The following SRCIN1 variants were observed in gnomAD, a reference collection of about 807,000 sequenced individuals.
SRCIN1 encodes the protein SRC kinase signaling inhibitor 1, also known as P130Cas-associated protein.
In SRCIN1, 50 loss-of-function variants were observed where a neutral mutation model predicts 116.2. That is an observed-to-expected ratio of 0.43 (90% confidence interval 0.34 to 0.54). The LOEUF is 0.54. SRCIN1 is among the 20% of genes least tolerant of loss of function. The pLI, the probability that SRCIN1 is intolerant of heterozygous loss-of-function variation, is 0.02. For synonymous variants in SRCIN1, 736 were observed against 750.0 expected, an observed-to-expected ratio of 0.98 and a Z score of 0.30; for missense variants, 1,446 against 1,672.0, an observed-to-expected ratio of 0.86 and a Z score of 2.36.
At chr17:38,557,552 AAGGCAG>A (rs1341240805) in intron 11 of SRCIN1, among the ~76,000 whole-genome samples, 2 of 152,216 alleles carry the variant, frequency 1.3e-5, no homozygotes, top group Non-Finnish European at 2.9e-5. Context: ...TGGACACTGA[AAGGCAG>A]CGTCTCCCTT....
chr17:38,579,617 C>T (rs77776781), intron 1 of SRCIN1, among the ~76,000 whole-genome samples: 2,144 of 152,286 alleles, frequency 0.014, 54 homozygotes, highest in African/African-American at 0.047. Flanking sequence ...TCTCTCCTCC[C>T]GACACACACA....
chr17:38,596,958 C>A (rs1908759651), intron 1 of SRCIN1, among the ~76,000 whole-genome samples: 2 of 152,190 alleles, frequency 1.3e-5, no homozygotes, highest in African/African-American at 4.8e-5. Flanking sequence ...TACCTATTAG[C>A]CTTTTACCCT....
intron 2 of SRCIN1, among the ~76,000 whole-genome samples, chr17:38,573,065 A>T (rs1213850969): frequency 7.9e-5 from 12 of 152,122 alleles, no homozygotes; most frequent in Non-Finnish European, 1.6e-4. Flanking sequence ...GGGAGGTTAG[A>T]CAGCCTGGTG....
Position 38,562,972 on chromosome 17 carries a change from A to T in SRCIN1, c.741-52T>A. 2 of 1,424,854 alleles carry T rather than the reference A, an allele frequency of 1.4e-6. No individual in the cohort carries two copies. Among genetic ancestry groups the T allele is most frequent in the Non-Finnish European group, 2.0e-6 (2 of 1,018,926 alleles). 88.3% of individuals were successfully genotyped at this position (1,424,854 alleles called of 1,614,324 possible). A position where few individuals can be genotyped will look rare whatever the true frequency, so the allele number is the denominator to read the frequency against. On this transcript the variant is annotated intron_variant, in intron 5 of 18. Coordinates refer to ENST00000617146, the MANE Select transcript of SRCIN1 (RefSeq NM_025248.3). The surrounding 1 kb of genome is among the most constrained non-coding windows in gnomAD (Gnocchi z 4.2). ...ACCACCCATCCCCCAGCTGTGCACAATGAGAAGGGATGGCTACTCCAGGCC... is the reference window on the plus strand; with the variant it reads ...ACCACCCATCCCCCAGCTGTGCACATTGAGAAGGGATGGCTACTCCAGGCC...
chr17:38,548,309 T>C (rs1396729014), intron 17 of SRCIN1, among the ~76,000 whole-genome samples: 2 of 152,052 alleles, frequency 1.3e-5, no homozygotes, highest in South Asian at 4.1e-4. Context: ...GGTCTGGGGA[T>C]ACTTGGGGGG....
chr17:38,577,152 C>T (rs1308348524), intron 2 of SRCIN1, among the ~76,000 whole-genome samples: 2 of 152,202 alleles, frequency 1.3e-5, no homozygotes, highest in African/African-American at 4.8e-5. Context: ...TAGATACCTC[C>T]TCCTGCAGGA....
At chr17:38,584,269 G>A (rs576719886) in intron 1 of SRCIN1, among the ~76,000 whole-genome samples, 1 of 152,344 alleles carries the variant, frequency 6.6e-6, no homozygotes, top group African/African-American at 2.4e-5. Context: ...ATGGGGTTGG[G>A]GAAACCAGAG....
chr17:38,535,459 G>A (rs1317438174), intron 18 of SRCIN1, among the ~76,000 whole-genome samples: 4 of 151,998 alleles, frequency 2.6e-5, no homozygotes, highest in Admixed American at 1.3e-4. Context: ...TGCCCACCTC[G>A]GCCTCCCAAA....
intron 2 of SRCIN1, among the ~76,000 whole-genome samples, chr17:38,575,239 G>T (rs1409760694): frequency 6.6e-6 from 1 of 152,130 alleles, no homozygotes; most frequent in Non-Finnish European, 1.5e-5. Context: ...AGACATTTCT[G>T]AAATTCTCAT....
At chr17:38,569,354 CG>C (rs1359661707) in intron 2 of SRCIN1, among the ~76,000 whole-genome samples, 1 of 152,162 alleles carries the variant, frequency 6.6e-6, no homozygotes, top group Non-Finnish European at 1.5e-5. Flanking sequence ...TGGCCTGGCC[CG>C]GGGGTGCCTG....
chr17:38,571,037 C>T (rs773121116), intron 2 of SRCIN1, among the ~76,000 whole-genome samples: 9 of 152,180 alleles, frequency 5.9e-5, no homozygotes, highest in Non-Finnish European at 1.0e-4. Context: ...CCACCAGGAA[C>T]GAGACACAGT....
intron 1 of SRCIN1, among the ~76,000 whole-genome samples, chr17:38,594,063 T>C (rs1223454107): frequency 6.6e-6 from 1 of 152,200 alleles, no homozygotes; most frequent in Non-Finnish European, 1.5e-5. Context: ...GAGAAGAACA[T>C]TCAGGTCTCA....
At chr17:38,555,401 G>C (rs1345231550) in intron 11 of SRCIN1, among the ~76,000 whole-genome samples, 2 of 152,152 alleles carry the variant, frequency 1.3e-5, no homozygotes. Flanking sequence ...GAAGACGGCA[G>C]AACCTCCATC....
chr17:38,561,598 C>T lies in SRCIN1; in HGVS notation c.1565G>A (p.Ser522Asn), dbSNP rs1906247026. 1 of 1,596,614 alleles carries T rather than the reference C, an allele frequency of 6.3e-7. No individual in the cohort carries two copies. Residue 522 changes from serine (S) to asparagine (N), a missense_variant, in exon 7 of 19, where the codon AGT becomes AAT. Physicochemically the swap from Ser to Asn is conservative, Grantham distance 46 (BLOSUM62 1). This residue lies in a region of SRCIN1 where 398 missense variants were observed against 385.6 expected (regional missense o/e 1.03). Coordinates refer to ENST00000617146, the MANE Select transcript of SRCIN1 (RefSeq NM_025248.3). The stretch of plus-strand genomic sequence containing the variant: ...CGCGCTGCGGGTCTTCCCTCCAGGA[C>T]TCTCGGCAAAGACGGACGAGGAGCC... ...DSGSSSVFAE[S>N]PGGKTRSAGS...
At chr17:38,566,647 AC>A (rs1906702917) in intron 3 of SRCIN1, among the ~76,000 whole-genome samples, 1 of 152,136 alleles carries the variant, frequency 6.6e-6, no homozygotes, top group African/African-American at 2.4e-5. Flanking sequence ...CCTTTCCAGG[AC>A]CCCATATTCA....
intron 1 of SRCIN1, among the ~76,000 whole-genome samples, chr17:38,594,823 G>A (rs561260182): frequency 1.3e-5 from 2 of 152,236 alleles, no homozygotes; most frequent in East Asian, 3.9e-4. Context: ...CTGGTCCTGG[G>A]CCCAGATTTT....
Position 38,561,707 on chromosome 17 carries a change from C to A in SRCIN1, c.1456G>T (p.Gly486Ter). 6.5e-7 allele frequency: 1 copy of A among 1,535,834 alleles called. No individual in the cohort carries two copies. The highest frequency in any genetic ancestry group is 8.7e-7 in the Non-Finnish European group (1 of 1,146,710). Residue 486 changes from glycine to a stop codon, truncating the protein, a stop_gained, in exon 7 of 19, where the codon GGA becomes TGA. Coordinates refer to ENST00000617146, the MANE Select transcript of SRCIN1 (RefSeq NM_025248.3). LOFTEE classifies it high-confidence loss of function. ...GGGCTGTGCGGTGGCGGGGGACCTC[C>A]GGGGGGTGCTGCCACGTCGGCCAGC... ...QKLADVAAPP[G>*]GPPPPHSPYS...
At chr17:38,603,647 C>A (rs1407431768) in intron 1 of SRCIN1, among the ~76,000 whole-genome samples, 1 of 152,102 alleles carries the variant, frequency 6.6e-6, no homozygotes, top group Non-Finnish European at 1.5e-5. Context: ...ACCCTCTTGT[C>A]CCCAAGGCAG....
intron 1 of SRCIN1, among the ~76,000 whole-genome samples, chr17:38,589,905 G>A (rs960828710): frequency 2.6e-5 from 4 of 152,188 alleles, no homozygotes; most frequent in Admixed American, 2.6e-4. Flanking sequence ...AGGGCAGCCC[G>A]GAGTTCACAG....
Sources: gnomAD v4.1 joint callset for allele counts (sites outside exome capture counted in the v4.1 genomes callset) on GRCh38, gnomAD v4.1.1 for gene constraint, gnomAD v4.1.1 regional missense constraint, Gnocchi (gnomAD v3.1) non-coding constraint, MANE v1.5 for transcripts, NCBI Gene and HGNC (gene_info 2026-07-23, HGNC 2026-07-21) for gene names.